The following SALL4 variants were observed in gnomAD, a reference collection of about 807,000 sequenced individuals.
SALL4 encodes spalt like transcription factor 4, also known as sal-like protein 4.
Under a neutral mutation model 60.8 loss-of-function variants are expected in SALL4, and 4 were observed. The ratio of observed to expected loss-of-function variants is 0.07; its 90% confidence interval spans 0.03 to 0.15. The LOEUF (loss-of-function observed/expected upper bound fraction) is 0.15, where lower values mean the gene tolerates loss of function less well. Ranked by LOEUF, SALL4 falls within the 10% of genes least tolerant of loss-of-function variation. The probability of loss-of-function intolerance (pLI) is 1.00; values close to 1 mark genes in which losing one functional copy is unlikely to be tolerated. For missense variants in SALL4, 1,178 were observed against 1,394.7 expected, an observed-to-expected ratio of 0.84 and a Z score of 2.48; for synonymous variants, 580 against 574.9, an observed-to-expected ratio of 1.01 and a Z score of -0.13.
At position 51,788,979 on chromosome 20, in the gene SALL4, C is replaced by A; in HGVS notation, c.2624G>T (p.Cys875Phe). 6.2e-7 allele frequency: 1 copy of A among 1,614,240 alleles called. No individual in the cohort carries two copies. Among genetic ancestry groups the A allele is most frequent in the East Asian group, 2.2e-5 (1 of 44,880 alleles). Reference protein sequence around the residue: ...RQAKQHGCTRCGKNFSSASAL... With the variant: ...RQAKQHGCTRFGKNFSSASAL... ...GCTAGCAGACGAGAAGTTCTTCCCA[C>A]ACCGTGTGCAGCCATGTTGCTTGGC... The change falls in exon 3 of 4, where the codon TGT becomes TTT. Residue 875 changes from cysteine to phenylalanine, a missense_variant. Physicochemically the swap from Cys to Phe is radical, Grantham distance 205. Coordinates refer to ENST00000217086, the MANE Select transcript of SALL4 (RefSeq NM_020436.5). This position sits in a 1 kb window ranked among gnomAD's most constrained non-coding sequence, Gnocchi z 4.1.
At chr20:51,785,298 C>T (rs1271868849) in intron 3 of SALL4, among the ~76,000 whole-genome samples, 1 of 151,360 alleles carries the variant, frequency 6.6e-6, no homozygotes, top group Non-Finnish European at 1.5e-5. Flanking sequence ...AAGACTCCAT[C>T]TCAAAAAAAA....
rs781770600 is a variant in SALL4, at chr20:51,784,346, C to G, written c.3081G>C (p.Val1027=). Reference sequence around the variant, plus strand: ...CGCCGTCAGTAGCACTTGGTTTTTCCACATCTGCACTGATACCCGACTGGG... The same window carrying G: ...CGCCGTCAGTAGCACTTGGTTTTTCGACATCTGCACTGATACCCGACTGGG... The part of the protein sequence containing the change: ...DGSQSGISAD[V]EKPSATDGVP... The change falls in exon 4 of 4, where the codon GTG becomes GTC. Residue 1027 remains valine (V), a synonymous_variant. Transcript: ENST00000217086. 1 of 1,614,150 alleles carries G rather than the reference C, an allele frequency of 6.2e-7. No individual in the cohort carries two copies. Among genetic ancestry groups the G allele is most frequent in the Non-Finnish European group, 8.5e-7 (1 of 1,180,042 alleles).
chr20:51,786,091 T>TTTG (rs1415339001), intron 3 of SALL4, among the ~76,000 whole-genome samples: 1 of 141,508 alleles, frequency 7.1e-6, no homozygotes, highest in Non-Finnish European at 1.5e-5. Flanking sequence ...AGCTAATTGT[T>TTTG]TTTTTTTTTT....
At position 51,792,165 on chromosome 20, in the gene SALL4, G is replaced by A. The variant is rs371144604; in HGVS notation, c.318C>T (p.Ser106=). ...KNPPVLIMND[S]EGPVPSEDFS... ...AGTCTTCTGAAGGCACAGGCCCCTC[G>A]CTGTCATTCATGATGAGGACAGGTG... The change falls in exon 2 of 4, where the codon AGC becomes AGT. Residue 106 remains serine, a synonymous_variant. Coordinates refer to ENST00000217086, the MANE Select transcript of SALL4 (RefSeq NM_020436.5). The A allele has an allele frequency of 3.1e-5, 50 of 1,614,176 alleles. No individual in the cohort carries two copies. The highest frequency in any genetic ancestry group is 2.0e-4 in the African/African-American group (15 of 75,042).
Position 51,792,024 on chromosome 20 carries a change from C to T in SALL4, c.459G>A (p.Val153=). The change falls in exon 2 of 4, where the codon GTG becomes GTA. Residue 153 remains valine, a synonymous_variant. Coordinates refer to ENST00000217086, the MANE Select transcript of SALL4 (RefSeq NM_020436.5). ...GCAGGGCTGTCTCTGTCTTTAGGTA[C>T]ACCACAGACTCCGCATCCGGCTTCT... The part of the protein sequence containing the change: ...MKEKPDAESV[V]YLKTETALPP... The T allele has an allele frequency of 6.2e-7, 1 of 1,614,156 alleles. No individual in the cohort carries two copies. Among genetic ancestry groups the T allele is most frequent in the Non-Finnish European group, 8.5e-7 (1 of 1,180,024 alleles).
rs2078109452 is a variant in SALL4, at chr20:51,801,506, G to T, written c.130+773C>A. ...GGGCTCGCACCCTCGGGCTTGCCGC[G>T]GTTATTTTTAGGAAGTCGGAAATCA... On this transcript the variant is annotated intron_variant, in intron 1 of 3. Transcript: ENST00000217086. This position sits in a 1 kb window ranked among gnomAD's most constrained non-coding sequence, Gnocchi z 5.2. The T allele has an allele frequency of 6.6e-6, 1 of 152,352 alleles. No individual in the cohort carries two copies. The highest frequency in any genetic ancestry group is 6.5e-5 in the Admixed American group (1 of 15,292). 9.4% of individuals were successfully genotyped at this position (152,352 alleles called of 1,614,324 possible).
rs2078026953 is a variant in SALL4, at chr20:51,790,345, G to A, written c.2138C>T (p.Pro713Leu). The A allele has an allele frequency of 6.2e-7, 1 of 1,614,142 alleles. No individual in the cohort carries two copies. The highest frequency in any genetic ancestry group is 8.5e-7 in the Non-Finnish European group (1 of 1,180,030). ...CGTGGGTGATGCCGAGTGGATGCTG[G>A]GAAGAGGCGTGGGGACCTTGGAGGA... Reference protein sequence around the residue: ...SSSSKVPTPLPSIHSASPTLG... With the variant: ...SSSSKVPTPLLSIHSASPTLG... The change falls in exon 2 of 4, where the codon CCC becomes CTC. Residue 713 changes from proline to leucine, a missense_variant. Physicochemically the swap from Pro to Leu is moderately conservative, Grantham distance 98 (BLOSUM62 -3). Around this residue, in one of 5 missense-constraint regions of SALL4, gnomAD observed 853 missense variants for 1,036.8 expected, o/e 0.82. Coordinates refer to ENST00000217086, the MANE Select transcript of SALL4 (RefSeq NM_020436.5). This position sits in a 1 kb window ranked among gnomAD's most constrained non-coding sequence, Gnocchi z 5.5.
chr20:51,785,481 A>G (rs1327349659), intron 3 of SALL4, among the ~76,000 whole-genome samples: 1 of 152,164 alleles, frequency 6.6e-6, no homozygotes, highest in Non-Finnish European at 1.5e-5. Flanking sequence ...TTATATTTAG[A>G]AAATCAGATT....
At chr20:51,787,770 G>A (rs1357720341) in intron 3 of SALL4, among the ~76,000 whole-genome samples, 1 of 151,936 alleles carries the variant, frequency 6.6e-6, no homozygotes, top group Admixed American at 6.6e-5. Flanking sequence ...ACCTCCCAAA[G>A]TGCTGAGAGT....
intron 2 of SALL4, among the ~76,000 whole-genome samples, chr20:51,789,618 G>A (rs1211037225): frequency 1.3e-5 from 2 of 152,060 alleles, no homozygotes; most frequent in South Asian, 2.1e-4. Context: ...AGGGAACCAC[G>A]GCTTATTTCA....
rs2122982908 is a variant in SALL4, at chr20:51,801,365, C to G, written c.130+914G>C. ...GAGTTCGCTCTGGCCCCCCACCTCT[C>G]CCCTTTCACACCCAAGCGCAAATGT... On this transcript the variant is annotated intron_variant, in intron 1 of 3. Transcript: ENST00000217086. The surrounding 1 kb of genome is among the most constrained non-coding windows in gnomAD (Gnocchi z 5.2). 1 of 152,536 alleles carries G rather than the reference C, an allele frequency of 6.6e-6. No individual in the cohort carries two copies. The highest frequency in any genetic ancestry group is 2.1e-4 in the South Asian group (1 of 4,828). 9.4% of individuals were successfully genotyped at this position (152,536 alleles called of 1,614,324 possible). A position where few individuals can be genotyped will look rare whatever the true frequency, so the allele number is the denominator to read the frequency against.
At position 51,782,368 on chromosome 20, in the gene SALL4, A is replaced by G. The variant is rs906963502; in HGVS notation, c.*1897T>C. The G allele has an allele frequency of 1.1e-4, 16 of 152,142 alleles. No individual in the cohort carries two copies. The highest frequency in any genetic ancestry group is 3.3e-4 in the Admixed American group (5 of 15,270). The allele number at this position is 152,142 out of a possible 1,614,324, so 9.4% of individuals were successfully genotyped here. On this transcript the variant is annotated 3_prime_UTR_variant, in exon 4 of 4. Transcript: ENST00000217086. Reference sequence around the variant, plus strand: ...ACATTCAAATTTTATTTTCCAACAGACAGACAGCATCAGCAGGTACAACTA... The same window carrying G: ...ACATTCAAATTTTATTTTCCAACAGGCAGACAGCATCAGCAGGTACAACTA...
chr20:51,797,330 A>G (rs942195942), intron 1 of SALL4: 4 of 152,108 alleles, frequency 2.6e-5, no homozygotes, highest in African/African-American at 9.7e-5. Flanking sequence ...TGTATTTTAT[A>G]CACTATGTTG....
Position 51,783,191 on chromosome 20 carries a change from C to A in SALL4, c.*1074G>T, listed in dbSNP as rs1275915457. 6.6e-6 allele frequency: 1 copy of A among 151,966 alleles called. No individual in the cohort carries two copies. The highest frequency in any genetic ancestry group is 1.5e-5 in the Non-Finnish European group (1 of 68,026). The allele number at this position is 151,966 out of a possible 1,614,324, so 9.4% of individuals were successfully genotyped here. On this transcript the variant is annotated 3_prime_UTR_variant, in exon 4 of 4. Transcript: ENST00000217086. ...ACTAAGTCACCTGAGATTCCCCGCT[C>A]AGGTGCCCACCTCTTCTGGGATTTG...
At chr20:51,786,744 T>C (rs1485581486) in intron 3 of SALL4, among the ~76,000 whole-genome samples, 1 of 152,230 alleles carries the variant, frequency 6.6e-6, no homozygotes, top group African/African-American at 2.4e-5. Flanking sequence ...TGTCTCTGTA[T>C]TACTTTTCAA....
chr20:51,785,042 C>T (rs1487020191), intron 3 of SALL4, among the ~76,000 whole-genome samples: 1 of 152,094 alleles, frequency 6.6e-6, no homozygotes, highest in African/African-American at 2.4e-5. Context: ...GTGGCTCACG[C>T]CTGTAATCCC....
chr20:51,792,801 G>A (rs2078057343), intron 1 of SALL4: 2 of 1,053,996 alleles, frequency 1.9e-6, no homozygotes, highest in South Asian at 6.5e-5. Context: ...TCCGAACTTG[G>A]GACTGTGTTT....
chr20:51,791,617 A>G lies in SALL4; in HGVS notation c.866T>C (p.Leu289Ser). 1 of 1,613,760 alleles carries G rather than the reference A, an allele frequency of 6.2e-7. No individual in the cohort carries two copies. The highest frequency in any genetic ancestry group is 8.5e-7 in the Non-Finnish European group (1 of 1,180,028). Residue 289 changes from leucine to serine, a missense_variant, in exon 2 of 4, where the codon TTG becomes TCG. This residue lies in a region of SALL4 where 853 missense variants were observed against 1,036.8 expected (regional missense o/e 0.82). Transcript: ENST00000217086. The surrounding 1 kb of genome is among the most constrained non-coding windows in gnomAD (Gnocchi z 4.6). ...GGCGTGAGGTAGCTTGGCTTGTTTC[A>G]AGGCATCCAGAGACAGACCTTGGCT... ...AGSQGLSLDA[L>S]KQAKLPHANI...
chr20:51,787,110 ACAAAACAAAC>A (rs1181454934), intron 3 of SALL4, among the ~76,000 whole-genome samples: 2 of 151,432 alleles, frequency 1.3e-5, no homozygotes, highest in African/African-American at 4.9e-5. Context: ...AAACAAACAA[ACAAAACAAAC>A]CAAAACAAAA....
Sources: gnomAD v4.1 joint callset for allele counts (sites outside exome capture counted in the v4.1 genomes callset) on GRCh38, gnomAD v4.1.1 for gene constraint, gnomAD v4.1.1 regional missense constraint, Gnocchi (gnomAD v3.1) non-coding constraint, MANE v1.5 for transcripts, NCBI Gene and HGNC (gene_info 2026-07-23, HGNC 2026-07-21) for gene names.